Variants in CMSS1 observed in about 807,000 individuals in gnomAD.
CMSS1 encodes the protein protein CMSS1.
CMSS1 carries 33 observed loss-of-function variants against 43.5 expected under a neutral mutation model. That is an observed-to-expected ratio of 0.76 (90% CI 0.57 to 1.01). The LOEUF (loss-of-function observed/expected upper bound fraction) is 1.01, where lower values mean the gene tolerates loss of function less well. CMSS1 is among the 50% of genes least tolerant of loss of function. The pLI is 0.00. For synonymous variants in CMSS1, 115 were observed against 117.2 expected (o/e 0.98, Z 0.12); for missense variants, 313 against 326.4 (o/e 0.96, Z 0.32).
At chr3:99,852,698 C>T (rs954670176) in intron 1 of CMSS1, among the ~76,000 whole-genome samples, 1 of 152,108 alleles carries the variant, frequency 6.6e-6, no homozygotes, top group African/African-American at 2.4e-5. Context: ...CCTGCCTCGG[C>T]CTCCCAAAGT....
intron 1 of CMSS1, among the ~76,000 whole-genome samples, chr3:99,969,878 T>C (rs1386627946): frequency 6.6e-6 from 1 of 152,176 alleles, no homozygotes; most frequent in Non-Finnish European, 1.5e-5. Context: ...GCCCTAGTCA[T>C]GAATAAGTGT....
chr3:99,961,867 C>A (rs766719151), intron 1 of CMSS1, among the ~76,000 whole-genome samples: 16 of 150,896 alleles, frequency 1.1e-4, no homozygotes, highest in Non-Finnish European at 2.1e-4. Context: ...AGAGCACAAA[C>A]CGGGTATGCA....
At chr3:100,030,733 A>G (rs2065009600) in intron 1 of CMSS1, among the ~76,000 whole-genome samples, 3 of 152,202 alleles carry the variant, frequency 2.0e-5, no homozygotes, top group Admixed American at 6.6e-5. Flanking sequence ...CAAATCAGCT[A>G]TATAGTTAGC....
intron 1 of CMSS1, among the ~76,000 whole-genome samples, chr3:99,971,301 C>T (rs1708813324): frequency 6.8e-6 from 1 of 146,834 alleles, no homozygotes; most frequent in East Asian, 2.0e-4. Context: ...GATCGTGCCA[C>T]TGCCCACCAG....
At chr3:99,836,116 A>C (rs1942885901) in intron 1 of CMSS1, among the ~76,000 whole-genome samples, 1 of 152,182 alleles carries the variant, frequency 6.6e-6, no homozygotes, top group Non-Finnish European at 1.5e-5. Context: ...AATTGCTGTG[A>C]TCAGAATGGT....
intron 1 of CMSS1, among the ~76,000 whole-genome samples, chr3:100,043,801 A>G (rs552305378): frequency 1.3e-5 from 2 of 152,326 alleles, no homozygotes; most frequent in South Asian, 4.1e-4. Context: ...AACTTATTTT[A>G]TTGTGACAAG....
At chr3:99,975,626 T>C (rs1239739110) in intron 1 of CMSS1, among the ~76,000 whole-genome samples, 2 of 151,874 alleles carry the variant, frequency 1.3e-5, no homozygotes, top group African/African-American at 4.8e-5. Flanking sequence ...AAATAAGTGC[T>C]ATGAAAAAGA....
At chr3:99,980,070 T>C (rs1228448277) in intron 1 of CMSS1, among the ~76,000 whole-genome samples, 1 of 152,082 alleles carries the variant, frequency 6.6e-6, no homozygotes, top group East Asian at 1.9e-4. Flanking sequence ...AGCTGGAAAT[T>C]AGAGGGTGTG....
intron 1 of CMSS1, among the ~76,000 whole-genome samples, chr3:100,047,552 C>T (rs1277359376): frequency 6.6e-6 from 1 of 152,158 alleles, no homozygotes; most frequent in Non-Finnish European, 1.5e-5. Context: ...TAAGTGGCCA[C>T]AAATAAAACA....
chr3:100,019,186 A>G (rs1328145002), intron 1 of CMSS1, among the ~76,000 whole-genome samples: 2 of 152,164 alleles, frequency 1.3e-5, no homozygotes, highest in Non-Finnish European at 1.5e-5. Context: ...GCATATATCC[A>G]AAAGAAAATC....
At chr3:100,020,299 G>T (rs754861635) in intron 1 of CMSS1, among the ~76,000 whole-genome samples, 1 of 151,822 alleles carries the variant, frequency 6.6e-6, no homozygotes, top group Non-Finnish European at 1.5e-5. Flanking sequence ...CTGTATTCTC[G>T]CATTTAGGAC....
intron 1 of CMSS1, among the ~76,000 whole-genome samples, chr3:100,092,764 T>G (rs1030267505): frequency 6.6e-6 from 1 of 151,266 alleles, no homozygotes; most frequent in South Asian, 2.1e-4. Flanking sequence ...TCATGTCTTA[T>G]CTCCCTGCAT....
intron 1 of CMSS1, among the ~76,000 whole-genome samples, chr3:99,947,837 A>G (rs557748870): frequency 6.6e-6 from 1 of 152,332 alleles, no homozygotes; most frequent in South Asian, 2.1e-4. Context: ...AAGAATTTAG[A>G]ATATTTGTCC....
At chr3:100,071,405 A>C (rs2065761305) in intron 1 of CMSS1, among the ~76,000 whole-genome samples, 1 of 152,176 alleles carries the variant, frequency 6.6e-6, no homozygotes, top group African/African-American at 2.4e-5. Context: ...CAGCCTCCCC[A>C]TCTTAACTGT....
intron 1 of CMSS1, among the ~76,000 whole-genome samples, chr3:99,963,434 A>G (rs1232949489): frequency 6.6e-6 from 1 of 152,212 alleles, no homozygotes; most frequent in East Asian, 1.9e-4. Context: ...GATATAGCAC[A>G]GAAGTAAGGG....
At chr3:100,015,805 A>C (rs940181335) in intron 1 of CMSS1, among the ~76,000 whole-genome samples, 1 of 152,204 alleles carries the variant, frequency 6.6e-6, no homozygotes, top group Non-Finnish European at 1.5e-5. Flanking sequence ...GATAAATGAG[A>C]GGAGGGACTA....
chr3:100,092,274 G>A (rs2066123749), intron 1 of CMSS1, among the ~76,000 whole-genome samples: 1 of 152,100 alleles, frequency 6.6e-6, no homozygotes, highest in African/African-American at 2.4e-5. Context: ...TGACATGCTG[G>A]CTAAAGATGT....
intron 1 of CMSS1, among the ~76,000 whole-genome samples, chr3:99,834,495 C>T (rs538334900): frequency 3.3e-5 from 5 of 152,276 alleles, no homozygotes; most frequent in East Asian, 3.9e-4. Context: ...TTTTCAAAAT[C>T]GCTCCAAACC....
intron 1 of CMSS1, among the ~76,000 whole-genome samples, chr3:100,080,218 A>C (rs2065910084): frequency 6.6e-6 from 1 of 152,152 alleles, no homozygotes; most frequent in African/African-American, 2.4e-5. Flanking sequence ...TCCTGAGCTC[A>C]ACCATCCACC....
Sources: gnomAD v4.1 joint callset for allele counts (sites outside exome capture counted in the v4.1 genomes callset) on GRCh38, gnomAD v4.1.1 for gene constraint, MANE v1.5 for transcripts, NCBI Gene and HGNC (gene_info 2026-07-23, HGNC 2026-07-21) for gene names.